Variants in MGST1 observed in about 807,000 individuals in gnomAD.
MGST1 encodes the protein glutathione S-transferase 12.
A neutral mutation model predicts 8.9 loss-of-function variants in MGST1; 5 were observed. That is an observed-to-expected ratio of 0.56 (90% CI 0.29 to 1.19). MGST1 has a LOEUF of 1.19. Ranked by LOEUF, MGST1 falls within the 50% of genes most tolerant of loss-of-function variation. The pLI, the probability that MGST1 is intolerant of heterozygous loss-of-function variation, is 0.08. For missense variants in MGST1, 182 were observed against 187.4 expected, an observed-to-expected ratio of 0.97 and a Z score of 0.17; for synonymous variants, 54 against 67.8, an observed-to-expected ratio of 0.80 and a Z score of 1.00.
intron 4 of MGST1, among the ~76,000 whole-genome samples, chr12:16,469,597 T>C (rs771368882): frequency 1.3e-5 from 2 of 152,172 alleles, no homozygotes; most frequent in African/African-American, 4.8e-5. Flanking sequence ...TTAAAGGCAT[T>C]TGTGGCTATT....
intron 4 of MGST1, among the ~76,000 whole-genome samples, chr12:16,538,480 T>C (rs1292232385): frequency 2.0e-5 from 3 of 152,120 alleles, no homozygotes; most frequent in Non-Finnish European, 4.4e-5. Flanking sequence ...CAATTTACTA[T>C]ATTAGTTCAT....
intron 4 of MGST1, among the ~76,000 whole-genome samples, chr12:16,538,165 AC>A (rs1280187172): frequency 6.6e-6 from 1 of 152,158 alleles, no homozygotes; most frequent in African/African-American, 2.4e-5. Flanking sequence ...AAAGTTTTGC[AC>A]ATCTGTAGGG....
At chr12:16,407,815 C>T (rs1030859961) in intron 1 of MGST1, among the ~76,000 whole-genome samples, 17 of 151,930 alleles carry the variant, frequency 1.1e-4, no homozygotes, top group African/African-American at 2.9e-4. Context: ...AGGCGGATCA[C>T]GAGGTCAAGA....
chr12:16,478,167 C>G (rs549685285), intron 4 of MGST1, among the ~76,000 whole-genome samples: 2 of 152,142 alleles, frequency 1.3e-5, no homozygotes, highest in Non-Finnish European at 2.9e-5. Flanking sequence ...GTAGCTGGGA[C>G]TATAGGCGCG....
chr12:16,460,098 C>T (rs758211615), intron 4 of MGST1, among the ~76,000 whole-genome samples: 2 of 151,956 alleles, frequency 1.3e-5, no homozygotes, highest in Non-Finnish European at 2.9e-5. Flanking sequence ...TAAAACAGTC[C>T]ATGTAGGAAA....
At chr12:16,429,384 C>T (rs1397823254) in intron 1 of MGST1, among the ~76,000 whole-genome samples, 2 of 152,020 alleles carry the variant, frequency 1.3e-5, no homozygotes, top group Admixed American at 6.6e-5. Context: ...CTGGCATTCT[C>T]CTTTCCTTTT....
chr12:16,383,118 C>T (rs1000653675), exon 1 of MGST1: 8 of 152,584 alleles, frequency 5.2e-5, no homozygotes, highest in African/African-American at 1.9e-4. Context: ...CCTCGCCTTG[C>T]TTTGGCTCGT....
intron 4 of MGST1, among the ~76,000 whole-genome samples, chr12:16,580,365 C>A (rs1321450328): frequency 3.3e-5 from 5 of 152,138 alleles, no homozygotes; most frequent in Non-Finnish European, 5.9e-5. Context: ...TGCAACCAAC[C>A]AAATGAAGTA....
In MGST1 at chr12:16,582,301, A is replaced by G. The variant is rs1591808338; in HGVS notation, n.483-7227A>G. On this transcript the variant is annotated intron_variant and non_coding_transcript_variant, in intron 4 of 4. Transcript: ENST00000538857. The surrounding 1 kb of genome is among the most constrained non-coding windows in gnomAD (Gnocchi z 4.1). ...TAGATTGAGATATGTCCTGGTGTTC[A>G]TTCTCTGAATTCTAGAAAACATCTT... Among the ~76,000 whole-genome samples, 1 of 152,188 alleles carries G rather than the reference A, an allele frequency of 6.6e-6. No individual in the cohort carries two copies. The highest frequency in any genetic ancestry group is 1.5e-5 in the Non-Finnish European group (1 of 68,030).
At chr12:16,510,952 T>C (rs2137178867) in intron 4 of MGST1, among the ~76,000 whole-genome samples, 1 of 152,012 alleles carries the variant, frequency 6.6e-6, no homozygotes, top group Non-Finnish European at 1.5e-5. Context: ...AAAACTAGTG[T>C]AAACTATGAG....
At chr12:16,553,181 C>G (rs1264869663) in intron 4 of MGST1, among the ~76,000 whole-genome samples, 3 of 152,060 alleles carry the variant, frequency 2.0e-5, no homozygotes, top group African/African-American at 4.8e-5. Context: ...ATTGTCATGG[C>G]TTTTTACAGA....
intron 4 of MGST1, among the ~76,000 whole-genome samples, chr12:16,568,794 A>G (rs1674090466): frequency 6.6e-6 from 1 of 152,182 alleles, no homozygotes; most frequent in African/African-American, 2.4e-5. Flanking sequence ...GTGCTGGTCT[A>G]TAGCTTCAGC....
Position 16,517,195 on chromosome 12 carries a change from C to T in MGST1, n.483-72333C>T, listed in dbSNP as rs1055764615. Among the ~76,000 whole-genome samples the T allele has an allele frequency of 6.6e-6, 1 of 152,156 alleles. No individual in the cohort carries two copies. Among genetic ancestry groups the T allele is most frequent in the Non-Finnish European group, 1.5e-5 (1 of 68,030 alleles). ...AATCATCTGATCGAATATATGAGAT[C>T]TAATGAAAGACTCTTAGAAGGCAGG... is the stretch of plus-strand genomic sequence containing the variant. On this transcript the variant is annotated intron_variant and non_coding_transcript_variant, in intron 4 of 4. Transcript: ENST00000538857. This position sits in a 1 kb window ranked among gnomAD's most constrained non-coding sequence, Gnocchi z 4.2.
chr12:16,558,540 A>G (rs1942274763), intron 4 of MGST1, among the ~76,000 whole-genome samples: 1 of 152,082 alleles, frequency 6.6e-6, no homozygotes, highest in African/African-American at 2.4e-5. Flanking sequence ...TTGTGTTTGT[A>G]TATCCTTATC....
chr12:16,550,873 A>T (rs1011920580), intron 4 of MGST1: 2 of 177,830 alleles, frequency 1.1e-5, no homozygotes, highest in African/African-American at 4.7e-5. Context: ...AATGGAACAC[A>T]AATGGTAACA....
At chr12:16,441,856 T>C (rs1449711708), downstream of MGST1, among the ~76,000 whole-genome samples, 1 of 151,952 alleles carries the variant, frequency 6.6e-6, no homozygotes. Context: ...GGGAGAGGGA[T>C]TGCAGGATCA....
intron 4 of MGST1, among the ~76,000 whole-genome samples, chr12:16,491,916 CA>C (rs1041565567): frequency 6.6e-6 from 1 of 152,114 alleles, no homozygotes; most frequent in African/African-American, 2.4e-5. Context: ...GTCTATGAAG[CA>C]AAGTTTGATT....
chr12:16,509,473 C>T (rs991371178), intron 4 of MGST1, among the ~76,000 whole-genome samples: 2 of 152,132 alleles, frequency 1.3e-5, no homozygotes, highest in African/African-American at 4.8e-5. Context: ...GTTTAGTAAA[C>T]ACTATAGCTT....
chr12:16,518,832 T>C (rs1488427808), intron 4 of MGST1, among the ~76,000 whole-genome samples: 26 of 152,178 alleles, frequency 1.7e-4, no homozygotes, highest in Admixed American at 1.6e-3. Flanking sequence ...CCAAAGCAAA[T>C]AGACATTTAG....
Sources: allele counts gnomAD v4.1 joint callset (sites outside exome capture counted in the v4.1 genomes callset), GRCh38; gene constraint gnomAD v4.1.1; non-coding constraint Gnocchi (gnomAD v3.1); transcripts MANE v1.5; gene names NCBI Gene and HGNC (gene_info 2026-07-23, HGNC 2026-07-21).